LNPEP: variants seen among roughly 807,000 people sequenced by gnomAD.
The protein encoded by LNPEP is leucyl-cystinyl aminopeptidase.
In LNPEP, 64 loss-of-function variants were observed where a neutral mutation model predicts 120.6. The observed-to-expected ratio is 0.53, with a 90% CI of 0.43 to 0.65. LNPEP has a LOEUF of 0.65. LNPEP is among the 30% of genes least tolerant of loss of function. The pLI is 0.00. For missense variants in LNPEP, 1,057 were observed against 1,200.0 expected (o/e 0.88, Z 1.76); for synonymous variants, 435 against 425.4 (o/e 1.02, Z -0.28).
At chr5:96,974,990 A>G (rs1024176543) in intron 1 of LNPEP, among the ~76,000 whole-genome samples, 1 of 152,112 alleles carries the variant, frequency 6.6e-6, no homozygotes, top group Admixed American at 6.6e-5. Flanking sequence ...TAATGACCAT[A>G]TCTGCACAGG....
rs759183575 is a variant in LNPEP at position 96,979,689 on chromosome 5, A to G, written c.571A>G (p.Arg191Gly). The part of the protein sequence containing the change: ...LHPNLTSMTF[R>G]GSVTISVQAL... ...CCCGAACCTAACCTCGATGACATTC[A>G]GGGGTTCTGTGACAATTTCAGTTCA... The change falls in exon 2 of 18, where the codon AGG (arginine) becomes GGG (glycine). Residue 191 changes from arginine (R) to glycine (G), a missense_variant. Physicochemically the swap from Arg to Gly is moderately radical, Grantham distance 125. Coordinates refer to ENST00000231368, the MANE Select transcript of LNPEP (RefSeq NM_005575.3). 6.2e-7 allele frequency: 1 copy of G among 1,614,114 alleles called. No homozygotes were observed. Among genetic ancestry groups the G allele is most frequent in the Non-Finnish European group, 8.5e-7 (1 of 1,179,982 alleles).
At chr5:97,021,855 C>T (rs79258493) in intron 13 of LNPEP, among the ~76,000 whole-genome samples, 1 of 145,144 alleles carries the variant, frequency 6.9e-6, no homozygotes, top group African/African-American at 2.5e-5. Flanking sequence ...CTTTTTTTTT[C>T]CTCATTGGAT....
rs1191280936 is a variant in LNPEP at position 97,026,612 on chromosome 5, T to C, written c.2724-5T>C. On this transcript the variant is annotated splice_polypyrimidine_tract_variant and splice_region_variant and intron_variant, in intron 15 of 17. Transcript: ENST00000231368. The stretch of plus-strand genomic sequence containing the variant: ...TTTGGAGGCTAAATCTGCTTTGCTC[T>C]TCAGGTTAATGAAAAGTAGCCTGAA... 3.1e-6 allele frequency: 5 copies of C among 1,611,598 alleles called. No homozygotes were observed. Among genetic ancestry groups the C allele is most frequent in the African/African-American group, 1.3e-5 (1 of 74,860 alleles).
In LNPEP at chr5:97,013,803, C is replaced by G. The variant is rs1412657592; in HGVS notation, c.2191C>G (p.Leu731Val). 3 of 1,603,296 alleles carry G rather than the reference C, an allele frequency of 1.9e-6. No homozygotes were observed. Among genetic ancestry groups the G allele is most frequent in the Non-Finnish European group, 2.6e-6 (3 of 1,176,354 alleles). The change falls in exon 12 of 18, where the codon CTT (leucine) becomes GTT (valine). Residue 731 changes from leucine (L) to valine (V), a missense_variant. Transcript: ENST00000231368. Reference protein sequence around the residue: ...YVLSDKDRANLINNIFELAGL... With the variant: ...YVLSDKDRANVINNIFELAGL... ...TCTGAGTGACAAAGACCGAGCCAAC[C>G]TTATCAACAACATCTTTGAACTTGC...
chr5:97,028,082 T>A (rs1340870036), intron 17 of LNPEP, among the ~76,000 whole-genome samples: 1 of 152,240 alleles, frequency 6.6e-6, no homozygotes, highest in Non-Finnish European at 1.5e-5. Context: ...AAGAATTGCA[T>A]TCTTGGGGTG....
intron 1 of LNPEP, chr5:96,937,403 C>T (rs1245055797): frequency 1.3e-5 from 2 of 152,178 alleles, no homozygotes; most frequent in African/African-American, 2.4e-5. Flanking sequence ...CTGATAACAA[C>T]TTTAATTCTG....
intron 1 of LNPEP, among the ~76,000 whole-genome samples, chr5:96,957,275 C>T (rs1789492267): frequency 6.6e-6 from 1 of 152,200 alleles, no homozygotes; most frequent in South Asian, 2.1e-4. Flanking sequence ...TCACCCTGCT[C>T]AGGTTCAGAC....
intron 1 of LNPEP, among the ~76,000 whole-genome samples, chr5:96,939,913 A>C (rs1789013274): frequency 6.6e-6 from 1 of 152,250 alleles, no homozygotes; most frequent in South Asian, 2.1e-4. Flanking sequence ...AAATGTGAGC[A>C]TACCACATTT....
rs189867934 is a variant in LNPEP at position 97,032,372 on chromosome 5, A to T, written c.*3839A>T. On this transcript the variant is annotated 3_prime_UTR_variant, in exon 18 of 18. Coordinates refer to ENST00000231368, the MANE Select transcript of LNPEP (RefSeq NM_005575.3). ...GTACTACCTGAAAAGTAGCGGTTCA[A>T]AAGTATGGTAAATCTCCTCCCTTAA... The T allele has an allele frequency of 2.6e-5, 4 of 152,164 alleles. No homozygotes were observed. The highest frequency in any genetic ancestry group is 4.4e-5 in the Non-Finnish European group (3 of 68,028). 9.4% of individuals were successfully genotyped at this position (152,164 alleles called of 1,614,324 possible).
intron 8 of LNPEP, among the ~76,000 whole-genome samples, chr5:96,998,802 C>A (rs1790578189): frequency 6.6e-6 from 1 of 151,944 alleles, no homozygotes; most frequent in South Asian, 2.1e-4. Context: ...ACTTGTGGAG[C>A]AATAAGAGAG....
intron 13 of LNPEP, among the ~76,000 whole-genome samples, chr5:97,018,785 T>C (rs1163041224): frequency 6.6e-6 from 1 of 152,220 alleles, no homozygotes; most frequent in Non-Finnish European, 1.5e-5. Context: ...AAGCATTATG[T>C]ACATTTATTG....
chr5:96,973,469 T>C (rs918848805), intron 1 of LNPEP, among the ~76,000 whole-genome samples: 4 of 152,156 alleles, frequency 2.6e-5, no homozygotes, highest in Non-Finnish European at 5.9e-5. Context: ...TTGGAACTTA[T>C]AGTTCTATAT....
At chr5:96,945,112 C>T (rs1222919218) in intron 1 of LNPEP, among the ~76,000 whole-genome samples, 2 of 151,860 alleles carry the variant, frequency 1.3e-5, no homozygotes, top group African/African-American at 4.8e-5. Context: ...CAAAAAAAGA[C>T]CTGGGGTGGT....
At chr5:97,005,834 C>G (rs1423099656) in intron 9 of LNPEP, among the ~76,000 whole-genome samples, 4 of 152,150 alleles carry the variant, frequency 2.6e-5, no homozygotes, top group Admixed American at 1.3e-4. Context: ...GCCTCCCTCA[C>G]TCCCTTAGCT....
Position 97,013,628 on chromosome 5 carries a change from A to AT in LNPEP, c.2036-13dup, listed in dbSNP as rs747669436. On this transcript the variant is annotated intron_variant, in intron 11 of 17. Transcript: ENST00000231368. ...CAATTGTCTTCTCTCTCAATCTCTC[A>AT]TTTTTTTGGTTTCCATTAGGTGTCA... 12 of 1,385,446 alleles carry AT rather than the reference A, an allele frequency of 8.7e-6. No homozygotes were observed. Among genetic ancestry groups the AT allele is most frequent in the African/African-American group, 7.4e-5 (5 of 67,388 alleles). The allele number at this position is 1,385,446 out of a possible 1,614,324, so 85.8% of individuals were successfully genotyped here.
Position 97,030,410 on chromosome 5 carries a change from A to G in LNPEP, c.*1877A>G, listed in dbSNP as rs1300919505. On this transcript the variant is annotated 3_prime_UTR_variant, in exon 18 of 18. Transcript: ENST00000231368. Reference sequence around the variant, plus strand: ...GTGAGGGAAAAATACTAAACTTTTGAGAGTTTTGTTGTCGTTGCTGGTTTT... The same window carrying G: ...GTGAGGGAAAAATACTAAACTTTTGGGAGTTTTGTTGTCGTTGCTGGTTTT... The G allele has an allele frequency of 2.0e-5, 3 of 152,136 alleles. No individual in the cohort carries two copies. Among genetic ancestry groups the G allele is most frequent in the African/African-American group, 4.8e-5 (2 of 41,440 alleles). The allele number at this position is 152,136 out of a possible 1,614,324, so 9.4% of individuals were successfully genotyped here.
At chr5:96,969,224 T>C (rs1173073269) in intron 1 of LNPEP, among the ~76,000 whole-genome samples, 1 of 151,860 alleles carries the variant, frequency 6.6e-6, no homozygotes, top group Non-Finnish European at 1.5e-5. Context: ...AAAATGAATG[T>C]TAAGTAGTTT....
intron 1 of LNPEP, among the ~76,000 whole-genome samples, chr5:96,946,871 CT>C (rs1349252774): frequency 6.6e-6 from 1 of 152,112 alleles, no homozygotes. Flanking sequence ...ACTGAGATTT[CT>C]TGTTTAACTC....
rs564914542 is a variant in LNPEP, at chr5:97,009,932, G to T, written c.2035+3417G>T. 2.0e-5 allele frequency among the ~76,000 whole-genome samples: 3 copies of T among 152,118 alleles called. No individual in the cohort carries two copies. The South Asian group carries it at 6.2e-4, about 32-fold the overall frequency. ...ATAGTGTATTATTTTGATGCTTGAT[G>T]GTTGGTTAAATCTTTAATATATTTT... On this transcript the variant is annotated intron_variant, in intron 11 of 17. Coordinates refer to ENST00000231368, the MANE Select transcript of LNPEP (RefSeq NM_005575.3).
Sources: allele counts gnomAD v4.1 joint callset (sites outside exome capture counted in the v4.1 genomes callset), GRCh38; gene constraint gnomAD v4.1.1; transcripts MANE v1.5; gene names NCBI Gene and HGNC (gene_info 2026-07-23, HGNC 2026-07-21).